EFCAB8: variants seen among roughly 807,000 people sequenced by gnomAD.
The protein encoded by EFCAB8 is EF-hand calcium binding domain 8.
A neutral mutation model predicts 116.3 loss-of-function variants in EFCAB8; 100 were observed. The observed-to-expected ratio is 0.86, with a 90% CI of 0.73 to 1.02. EFCAB8 has a LOEUF of 1.02. Among genes scored for constraint, EFCAB8 ranks in the 50% least tolerant of loss-of-function variants. EFCAB8 has a pLI of 0.00. For missense variants in EFCAB8, 1,320 were observed against 1,416.9 expected (o/e 0.93, Z 1.10); for synonymous variants, 558 against 567.9 (o/e 0.98, Z 0.25).
chr20:32,897,819 G>A (rs1231217391), intron 10 of EFCAB8, among the ~76,000 whole-genome samples: 1 of 152,134 alleles, frequency 6.6e-6, no homozygotes, highest in Non-Finnish European at 1.5e-5. Flanking sequence ...GTGACAGTGT[G>A]TGTAAAACCC....
chr20:32,888,873 G>C (rs901028133), intron 6 of EFCAB8, among the ~76,000 whole-genome samples: 5 of 151,816 alleles, frequency 3.3e-5, no homozygotes, highest in African/African-American at 9.7e-5. Flanking sequence ...CCTTTGAGTA[G>C]GTGCAAACAC....
chr20:32,942,091 T>C (rs189823101), intron 22 of EFCAB8, among the ~76,000 whole-genome samples: 24 of 152,336 alleles, frequency 1.6e-4, no homozygotes, highest in Admixed American at 8.5e-4. Flanking sequence ...GTTTTTTTTA[T>C]CTTTGACAAC....
At chr20:32,904,837 G>A (rs1986601911) in intron 11 of EFCAB8, among the ~76,000 whole-genome samples, 1 of 152,142 alleles carries the variant, frequency 6.6e-6, no homozygotes, top group South Asian at 2.1e-4. Flanking sequence ...CTGTTGGCCA[G>A]GCTGGTCTGG....
chr20:32,862,134 C>CT (rs796463534), intron 1 of EFCAB8, among the ~76,000 whole-genome samples: 5,976 of 141,842 alleles, frequency 0.042, 268 homozygotes, highest in African/African-American at 0.11. Context: ...TATTTCTTTT[C>CT]TTTTTTTTTT....
At chr20:32,905,956 T>G (rs376404590) in intron 11 of EFCAB8, among the ~76,000 whole-genome samples, 1 of 152,080 alleles carries the variant, frequency 6.6e-6, no homozygotes, top group East Asian at 1.9e-4. Flanking sequence ...TAACCCCCAT[T>G]GTTTGCAACC....
intron 11 of EFCAB8, among the ~76,000 whole-genome samples, chr20:32,901,492 G>A (rs531792004): frequency 6.9e-6 from 1 of 145,702 alleles, no homozygotes; most frequent in South Asian, 2.1e-4. Context: ...ATTGAGTCCT[G>A]ATGGCAGGAG....
rs549738300 is a variant in EFCAB8, at chr20:32,959,645, G to A, written c.3090-133G>A. On this transcript the variant is annotated intron_variant, in intron 24 of 26. Transcript: ENST00000400522. ...TACTTACTCAGTGATGGACTCTGGG[G>A]AGTCTGGCCTGAGGGAGGGATGGAA... 3.9e-5 allele frequency: 26 copies of A among 668,446 alleles called. No homozygotes were observed. In the Admixed American group the frequency reaches 6.9e-4, roughly 18 times the overall value. The allele number at this position is 668,446 out of a possible 1,614,324, so 41.4% of individuals were successfully genotyped here. A position where few individuals can be genotyped will look rare whatever the true frequency, so the allele number is the denominator to read the frequency against.
intron 5 of EFCAB8, among the ~76,000 whole-genome samples, chr20:32,884,990 T>C (rs1468068168): frequency 6.6e-6 from 1 of 152,166 alleles, no homozygotes; most frequent in Non-Finnish European, 1.5e-5. Context: ...GTAGGTTTGG[T>C]GTGTGGGACC....
chr20:32,872,865 G>A (rs1191517231), intron 3 of EFCAB8, among the ~76,000 whole-genome samples: 6 of 151,452 alleles, frequency 4.0e-5, no homozygotes, highest in African/African-American at 1.5e-4. Flanking sequence ...GCCGAGGTGG[G>A]CGGATCGCCT....
intron 2 of EFCAB8, 83 bp from the exon 3 acceptor site, chr20:32,867,499 T>G: frequency 7.1e-7 from 1 of 1,401,258 alleles, no homozygotes; most frequent in Non-Finnish European, 9.6e-7. Flanking sequence ...TCTCAAAGAG[T>G]CTCTCTTTAA....
At chr20:32,864,942 C>G (rs77217585) in intron 2 of EFCAB8, among the ~76,000 whole-genome samples, 1,640 of 152,302 alleles carry the variant, frequency 0.011, 30 homozygotes, top group African/African-American at 0.038. Flanking sequence ...TCAACCACAG[C>G]CCTGCAGGGT....
At chr20:32,948,574 A>AAGAAAGAAAG (rs1988694585) in intron 23 of EFCAB8, among the ~76,000 whole-genome samples, 1 of 151,312 alleles carries the variant, frequency 6.6e-6, no homozygotes, top group African/African-American at 2.4e-5. Context: ...GAAAGAAAGA[A>AAGAAAGAAAG]AGAAAGAAAA....
intron 11 of EFCAB8, among the ~76,000 whole-genome samples, chr20:32,899,417 A>AG (rs941880543): frequency 3.3e-5 from 5 of 151,070 alleles, no homozygotes; most frequent in Non-Finnish European, 4.4e-5. Flanking sequence ...AAAAAAAAAA[A>AG]AAAAGAAAAA....
At position 32,898,650 on chromosome 20, in the gene EFCAB8, G is replaced by C. The variant is rs890240431; in HGVS notation, c.1088+27G>C. On this transcript the variant is annotated intron_variant, in intron 11 of 26. Coordinates refer to ENST00000400522, the MANE Select transcript of EFCAB8 (RefSeq NM_001143967.2). ...TAAGAAGTGCTTCTCTCCTGGCTAA[G>C]GCGGTGGGGCTGGAAGGGAGGGGGG... 1.5e-5 allele frequency: 11 copies of C among 716,660 alleles called. No homozygotes were observed. In the Admixed American group the frequency reaches 2.2e-4, roughly 14 times the overall value. 44.4% of individuals were successfully genotyped at this position (716,660 alleles called of 1,614,324 possible). A position where few individuals can be genotyped will look rare whatever the true frequency, so the allele number is the denominator to read the frequency against.
At chr20:32,885,778 T>TC (rs1473421279) in intron 6 of EFCAB8, 138 bp downstream of exon 6, 5 of 1,138,012 alleles carry the variant, frequency 4.4e-6, no homozygotes, top group Non-Finnish European at 6.1e-6. Context: ...AGCACCTGGG[T>TC]CCTGACTTGG....
At chr20:32,938,477 A>G (rs755345679) in intron 22 of EFCAB8, among the ~76,000 whole-genome samples, 6 of 149,986 alleles carry the variant, frequency 4.0e-5, no homozygotes, top group Non-Finnish European at 7.4e-5. Context: ...AATAAAAAGT[A>G]TCTATATTGG....
At chr20:32,862,921 C>A (rs1204202001) in intron 1 of EFCAB8, among the ~76,000 whole-genome samples, 1 of 152,252 alleles carries the variant, frequency 6.6e-6, no homozygotes, top group Admixed American at 6.5e-5. Context: ...GTATGAGCCA[C>A]TGCACCTGGC....
At position 32,862,197 on chromosome 20, in the gene EFCAB8, C is replaced by T. The variant is rs1360790787; in HGVS notation, c.-10-1586C>T. Among the ~76,000 whole-genome samples, 4 of 149,562 alleles carry T rather than the reference C, an allele frequency of 2.7e-5. 1 individual carries two copies. Among genetic ancestry groups the T allele is most frequent in the Non-Finnish European group, 5.9e-5 (4 of 67,684 alleles). ...CCAGGCTGGAGTGTAGTGGTATGATCTCAGCTCTCTGCAGCCTCAACCTCC... is the reference window on the plus strand; with the variant it reads ...CCAGGCTGGAGTGTAGTGGTATGATTTCAGCTCTCTGCAGCCTCAACCTCC... On this transcript the variant is annotated intron_variant, in intron 1 of 26. Transcript: ENST00000400522.
rs187202777 is a variant in EFCAB8, at chr20:32,927,868, T to C, written c.2413-2530T>C. On this transcript the variant is annotated intron_variant, in intron 20 of 26. Coordinates refer to ENST00000400522, the MANE Select transcript of EFCAB8 (RefSeq NM_001143967.2). The stretch of plus-strand genomic sequence containing the variant: ...AATACACATAACATAAAATTTACCA[T>C]TGAAACCATTTTTAAGTGTATGGTT... Among the ~76,000 whole-genome samples the C allele has an allele frequency of 2.0e-5, 3 of 152,306 alleles. No homozygotes were observed. In the East Asian group the frequency reaches 5.8e-4, roughly 29 times the overall value.
Sources: allele counts gnomAD v4.1 joint callset (sites outside exome capture counted in the v4.1 genomes callset), GRCh38; gene constraint gnomAD v4.1.1; transcripts MANE v1.5; gene names NCBI Gene and HGNC (gene_info 2026-07-23, HGNC 2026-07-21).